TMC8: variants seen among roughly 807,000 people sequenced by gnomAD.
TMC8 encodes transmembrane channel like 8, also known as transmembrane channel-like protein 8.
TMC8 carries 71 observed loss-of-function variants against 76.0 expected under a neutral mutation model. The observed-to-expected ratio is 0.93, with a 90% CI of 0.77 to 1.14. The LOEUF is 1.14. TMC8 is among the 50% of genes most tolerant of loss of function. The probability of loss-of-function intolerance (pLI) is 0.00; values close to 1 mark genes in which losing one functional copy is unlikely to be tolerated. For missense variants in TMC8, 924 were observed against 947.9 expected (o/e 0.97, Z 0.33); for synonymous variants, 433 against 433.8 (o/e 1.00, Z 0.02).
chr17:78,134,337 C>T (rs1268642867), intron 7 of TMC8, 57 bp from the exon 8 acceptor site: 2 of 1,590,466 alleles, frequency 1.3e-6, no homozygotes, highest in Non-Finnish European at 8.5e-7. Context: ...TTCCTGCACC[C>T]TTTCCTCCCA....
chr17:78,131,235 G>C (rs1176372740), intron 1 of TMC8, 46 bp from the exon 2 acceptor site: 3 of 412,804 alleles, frequency 7.3e-6, no homozygotes, highest in South Asian at 6.6e-5. Flanking sequence ...TGCCTGTGCC[G>C]GTCCAGACTT....
In TMC8 at chr17:78,134,616, C is replaced by T. The variant is rs1158616045; in HGVS notation, c.987+52C>T. Reference sequence around the variant, plus strand: ...CCTGGCCAGAACTGCGGGGGTGAGACAGGATGATCCCATTTTACAGATGAG... The same window carrying T: ...CCTGGCCAGAACTGCGGGGGTGAGATAGGATGATCCCATTTTACAGATGAG... On this transcript the variant is annotated intron_variant, in intron 8 of 15. Coordinates refer to ENST00000318430, the MANE Select transcript of TMC8 (RefSeq NM_152468.5). The T allele has an allele frequency of 3.7e-6, 6 of 1,605,242 alleles. No individual in the cohort carries two copies. In the Admixed American group the frequency reaches 8.4e-5, roughly 23 times the overall value.
At chr17:78,135,062 G>A (rs1301028945) in intron 9 of TMC8, 53 bp downstream of exon 9, 1 of 1,611,010 alleles carries the variant, frequency 6.2e-7, no homozygotes, top group Non-Finnish European at 8.5e-7. Context: ...TCTGCATCCT[G>A]CTGCTCTCTT....
chr17:78,130,992 G>A (rs1019300036), intron 1 of TMC8, 141 bp downstream of exon 1: 10 of 174,552 alleles, frequency 5.7e-5, no homozygotes, highest in South Asian at 5.6e-4. Context: ...TCAGGGGCTC[G>A]CGGGGTACCT....
chr17:78,132,301 C>A, intron 3 of TMC8, 58 bp from the exon 4 acceptor site: 2 of 1,598,502 alleles, frequency 1.3e-6, no homozygotes, highest in South Asian at 1.1e-5. Flanking sequence ...CTTGGACTCT[C>A]AGCGCGGCCC....
chr17:78,140,650 C>T (rs1051973957), intron 15 of TMC8, among the ~76,000 whole-genome samples, 184 bp from the exon 16 acceptor site: 1 of 149,796 alleles, frequency 6.7e-6, no homozygotes, highest in Non-Finnish European at 1.5e-5. Context: ...GGGGCGGGAC[C>T]CTGGTGGGGC....
At chr17:78,134,786 T>G (rs1449269198) in intron 8 of TMC8, 84 bp from the exon 9 acceptor site, 1 of 1,601,736 alleles carries the variant, frequency 6.2e-7, no homozygotes, top group African/African-American at 1.3e-5. Flanking sequence ...TGCCCCAGAG[T>G]TACACTTTAG....
intron 10 of TMC8, 162 bp downstream of exon 10, chr17:78,137,520 C>A (rs2075265651): frequency 1.5e-6 from 2 of 1,332,964 alleles, no homozygotes; most frequent in Non-Finnish European, 2.1e-6. Context: ...GCCACTGCTG[C>A]CACATGGTGT....
chr17:78,137,403 C>T (rs201002221), intron 10 of TMC8, 45 bp downstream of exon 10: 3 of 1,612,716 alleles, frequency 1.9e-6, no homozygotes, highest in African/African-American at 2.7e-5. Context: ...TCCTTCTCCC[C>T]AAAAAGCTCA....
chr17:78,133,946 C>G lies in TMC8; in HGVS notation c.762C>G (p.Ile254Met). 6.2e-7 allele frequency: 1 copy of G among 1,613,648 alleles called. No individual in the cohort carries two copies. The highest frequency in any genetic ancestry group is 8.5e-7 in the Non-Finnish European group (1 of 1,180,032). Residue 254 changes from isoleucine to methionine, a missense_variant, in exon 7 of 16, where the codon ATC becomes ATG. By Grantham distance (10) the Ile-to-Met change is conservative. Coordinates refer to ENST00000318430, the MANE Select transcript of TMC8 (RefSeq NM_152468.5). ...TCTTCTCCTCATGGGACTTCTGCATCCGGGTGCAGGAAGCAGCCACCATCA... is the reference window on the plus strand; with the variant it reads ...TCTTCTCCTCATGGGACTTCTGCATGCGGGTGCAGGAAGCAGCCACCATCA... ...AKVFSSWDFC[I>M]RVQEAATIKK...
chr17:78,139,320 CG>C, intron 15 of TMC8, 80 bp downstream of exon 15: 1 of 1,537,144 alleles, frequency 6.5e-7, no homozygotes, highest in Non-Finnish European at 8.9e-7. Flanking sequence ...GCCTAGAACA[CG>C]TCTGAGCGGG....
At chr17:78,138,922 G>A in intron 14 of TMC8, 190 bp downstream of exon 14, 1 of 1,536,442 alleles carries the variant, frequency 6.5e-7, no homozygotes, top group Non-Finnish European at 8.7e-7. Flanking sequence ...CAGGATCACT[G>A]GGGAAGCACC....
chr17:78,138,818 C>T, intron 14 of TMC8, 86 bp downstream of exon 14: 1 of 1,581,910 alleles, frequency 6.3e-7, no homozygotes, highest in Non-Finnish European at 8.5e-7. Flanking sequence ...TGTGCACCCC[C>T]AACCAGGAGC....
At chr17:78,133,282 TG>T in intron 5 of TMC8, 123 bp from the exon 6 acceptor site, 1 of 1,500,584 alleles carries the variant, frequency 6.7e-7, no homozygotes, top group South Asian at 1.1e-5. Flanking sequence ...TGTGGGCCCT[TG>T]TAAGACGGGA....
intron 15 of TMC8, among the ~76,000 whole-genome samples, 167 bp downstream of exon 15, chr17:78,139,407 C>T (rs1567806779): frequency 6.6e-6 from 1 of 152,112 alleles, no homozygotes; most frequent in Non-Finnish European, 1.5e-5. Context: ...AAGAGAACAG[C>T]TCGGGCTCCT....
At chr17:78,140,712 T>G (rs1030825197) in intron 15 of TMC8, 122 bp from the exon 16 acceptor site, 49 of 1,344,998 alleles carry the variant, frequency 3.6e-5, no homozygotes, top group Admixed American at 2.8e-4. Flanking sequence ...GGGCGGGGCG[T>G]GGCCTCTGGC....
intron 6 of TMC8, 121 bp downstream of exon 6, chr17:78,133,663 G>C (rs966557798): frequency 2.1e-5 from 33 of 1,562,106 alleles, no homozygotes; most frequent in Non-Finnish European, 2.7e-5. Context: ...AGGCTCCTGG[G>C]TGCTTCCTCA....
chr17:78,134,673 G>A lies in TMC8; in HGVS notation c.987+109G>A, dbSNP rs965188462. ...GAGGCTCAGAGAGGTTCAATCGGTC[G>A]TGGCCACAGGTCACGGCCAAGGCAG... On this transcript the variant is annotated intron_variant, in intron 8 of 15. Coordinates refer to ENST00000318430, the MANE Select transcript of TMC8 (RefSeq NM_152468.5). The A allele has an allele frequency of 3.3e-5, 51 of 1,531,854 alleles. No individual in the cohort carries two copies. In the South Asian group the frequency reaches 3.7e-4, roughly 11 times the overall value. 94.9% of individuals were successfully genotyped at this position (1,531,854 alleles called of 1,614,324 possible).
At chr17:78,136,086 C>T (rs1460634027) in intron 9 of TMC8, among the ~76,000 whole-genome samples, 2 of 152,104 alleles carry the variant, frequency 1.3e-5, no homozygotes, top group African/African-American at 4.8e-5. Context: ...AAGCTCTCAC[C>T]TACCCCTAGC....
Sources: allele counts gnomAD v4.1 joint callset (sites outside exome capture counted in the v4.1 genomes callset), GRCh38; gene constraint gnomAD v4.1.1; transcripts MANE v1.5; gene names NCBI Gene and HGNC (gene_info 2026-07-23, HGNC 2026-07-21).